The following MAD1L1 variants were observed in gnomAD, a reference collection of about 807,000 sequenced individuals.
MAD1L1 encodes the protein mitotic arrest deficient 1 like 1.
In MAD1L1, 95 loss-of-function variants were observed where a neutral mutation model predicts 96.9. The observed-to-expected ratio is 0.98, with a 90% CI of 0.83 to 1.16. The LOEUF is 1.16. Ranked by LOEUF, MAD1L1 falls within the 50% of genes most tolerant of loss-of-function variation. MAD1L1 has a pLI of 0.00. For synonymous variants in MAD1L1, 473 were observed against 396.6 expected (o/e 1.19, Z -2.29); for missense variants, 1,007 against 954.4 (o/e 1.06, Z -0.73).
intron 11 of MAD1L1, among the ~76,000 whole-genome samples, chr7:2,082,619 G>C (rs921121165): frequency 3.9e-5 from 6 of 152,218 alleles, no homozygotes; most frequent in African/African-American, 9.6e-5. Flanking sequence ...TGAGCTCTGA[G>C]GATCAAGGGG....
At chr7:1,960,248 AAG>A (rs1425459220) in intron 15 of MAD1L1, among the ~76,000 whole-genome samples, 2 of 144,562 alleles carry the variant, frequency 1.4e-5, no homozygotes, top group Non-Finnish European at 3.0e-5. Context: ...AAAAGGTAAA[AAG>A]AAAAAAAAAA....
intron 14 of MAD1L1, 43 bp downstream of exon 14, chr7:2,002,022 G>A (rs1293681850): frequency 2.5e-6 from 4 of 1,606,808 alleles, no homozygotes; most frequent in East Asian, 2.2e-5. Context: ...CAGACCCAGG[G>A]TCCAGGTGCC....
At chr7:2,041,098 C>A (rs1379749722) in intron 12 of MAD1L1, among the ~76,000 whole-genome samples, 1 of 152,198 alleles carries the variant, frequency 6.6e-6, no homozygotes, top group East Asian at 1.9e-4. Context: ...GCCTGAGCTA[C>A]AGCACCCCCA....
chr7:2,085,201 A>G (rs903040698), intron 11 of MAD1L1, among the ~76,000 whole-genome samples: 3 of 152,242 alleles, frequency 2.0e-5, no homozygotes, highest in Non-Finnish European at 2.9e-5. Context: ...CCCACTGTGT[A>G]TCAGCCACCA....
At chr7:1,918,858 TG>T (rs967102169) in intron 17 of MAD1L1, among the ~76,000 whole-genome samples, 4 of 152,100 alleles carry the variant, frequency 2.6e-5, no homozygotes, top group Non-Finnish European at 4.4e-5. Flanking sequence ...TGGCTACTCC[TG>T]GCCCCAGCCC....
intron 18 of MAD1L1, chr7:1,829,629 A>T (rs1480379485): frequency 6.6e-6 from 1 of 151,006 alleles, no homozygotes; most frequent in South Asian, 2.2e-4. Context: ...GACAGCAAAG[A>T]GTCTTGAAAA....
Position 1,968,358 on chromosome 7 carries a change from T to C in MAD1L1, c.1506-10639A>G, listed in dbSNP as rs1458534626. On this transcript the variant is annotated intron_variant, in intron 15 of 18. Coordinates refer to ENST00000265854, the MANE Select transcript of MAD1L1 (RefSeq NM_001013836.2). This position sits in a 1 kb window ranked among gnomAD's most constrained non-coding sequence, Gnocchi z 5.6. ...GTCAACCGTCCACACCTCAGTCCAG[T>C]GGTCAGGTCCACTGTCAATGCCTCA... is the stretch of plus-strand genomic sequence containing the variant. Among the ~76,000 whole-genome samples, 4 of 141,822 alleles carry C rather than the reference T, an allele frequency of 2.8e-5. No individual in the cohort carries two copies. Among genetic ancestry groups the C allele is most frequent in the Non-Finnish European group, 6.1e-5 (4 of 65,808 alleles). The allele number at this position is 141,822 out of a possible 152,430, so 93.0% of individuals were successfully genotyped here.
At chr7:1,851,037 A>AGGATG (rs1783946109) in intron 18 of MAD1L1, among the ~76,000 whole-genome samples, 1 of 152,236 alleles carries the variant, frequency 6.6e-6, no homozygotes, top group South Asian at 2.1e-4. Context: ...CCACCGTGGC[A>AGGATG]GCCCGGCTGG....
Position 1,816,232 on chromosome 7 carries a change from C to CG in MAD1L1, c.1999-5dup. The CG allele has an allele frequency of 6.2e-7, 1 of 1,611,256 alleles. No individual in the cohort carries two copies. Among genetic ancestry groups the CG allele is most frequent in the Non-Finnish European group, 8.5e-7 (1 of 1,178,776 alleles). ...TGGAACCCGAGGGGCTGGTGGCCTG[C>CG]GGGGCAGTCAAGAAAGAGACAAGAC... On this transcript the variant is annotated splice_region_variant and splice_polypyrimidine_tract_variant and intron_variant, in intron 18 of 18. Coordinates refer to ENST00000265854, the MANE Select transcript of MAD1L1 (RefSeq NM_001013836.2).
At chr7:1,972,711 T>C (rs1780460418) in intron 15 of MAD1L1, among the ~76,000 whole-genome samples, 2 of 152,202 alleles carry the variant, frequency 1.3e-5, no homozygotes, top group Admixed American at 6.5e-5. Context: ...ATGCTTGCTC[T>C]GGGCTATTCC....
At chr7:1,871,161 ACACCTGCCGCGCTGAACCCAACATAC>A (rs1785065243) in intron 18 of MAD1L1, among the ~76,000 whole-genome samples, 1 of 140,214 alleles carries the variant, frequency 7.1e-6, no homozygotes, top group Admixed American at 7.2e-5. Context: ...ACCGACCATA[ACACCTGCCGCGCTGAACCCAACATAC>A]GCCTGCCATG....
chr7:2,226,020 T>C (rs1487807281), intron 3 of MAD1L1, among the ~76,000 whole-genome samples: 1 of 152,154 alleles, frequency 6.6e-6, no homozygotes, highest in Non-Finnish European at 1.5e-5. Context: ...CCCACATCCC[T>C]TGCCACACGG....
intron 11 of MAD1L1, among the ~76,000 whole-genome samples, chr7:2,122,043 G>T (rs773146734): frequency 1.4e-4 from 21 of 152,216 alleles, no homozygotes; most frequent in Non-Finnish European, 2.9e-4. Context: ...AGGGACAGAG[G>T]AACTCTTGGG....
chr7:1,840,045 C>T (rs1463467178), intron 18 of MAD1L1, among the ~76,000 whole-genome samples: 1 of 152,242 alleles, frequency 6.6e-6, no homozygotes, highest in Non-Finnish European at 1.5e-5. Context: ...GGGCATTCCA[C>T]ATGGGCGAGG....
intron 12 of MAD1L1, among the ~76,000 whole-genome samples, chr7:2,055,422 C>T (rs1213568856): frequency 6.6e-6 from 1 of 152,114 alleles, no homozygotes; most frequent in Non-Finnish European, 1.5e-5. Flanking sequence ...AGCACAGGAG[C>T]GCCACCAGGG....
At chr7:1,827,099 C>A (rs1270703026) in intron 18 of MAD1L1, among the ~76,000 whole-genome samples, 2 of 152,212 alleles carry the variant, frequency 1.3e-5, no homozygotes, top group Non-Finnish European at 2.9e-5. Context: ...GGTGGGGCGG[C>A]CTGCGCAGCC....
intron 18 of MAD1L1, among the ~76,000 whole-genome samples, chr7:1,882,663 T>C (rs1785758201): frequency 6.6e-6 from 1 of 152,144 alleles, no homozygotes; most frequent in African/African-American, 2.4e-5. Flanking sequence ...GCCACACACC[T>C]GCACAGGGAG....
chr7:1,935,907 GGCT>G (rs757047077), intron 17 of MAD1L1, among the ~76,000 whole-genome samples: 41 of 152,254 alleles, frequency 2.7e-4, no homozygotes, highest in Non-Finnish European at 5.0e-4. Flanking sequence ...CCACGCTCCA[GGCT>G]GCTGCTAAGG....
chr7:1,872,862 G>A (rs998613106), intron 18 of MAD1L1: 1 of 152,254 alleles, frequency 6.6e-6, no homozygotes, highest in Non-Finnish European at 1.5e-5. Flanking sequence ...ACACCGCGAT[G>A]GACGTCAATA....
Sources: allele counts gnomAD v4.1 joint callset (sites outside exome capture counted in the v4.1 genomes callset), GRCh38; gene constraint gnomAD v4.1.1; non-coding constraint Gnocchi (gnomAD v3.1); transcripts MANE v1.5; gene names NCBI Gene and HGNC (gene_info 2026-07-23, HGNC 2026-07-21).